Variants in NISCH observed in about 807,000 individuals in gnomAD.
NISCH encodes I-1 receptor candidate protein.
In NISCH, 55 loss-of-function variants were observed where a neutral mutation model predicts 138.4. The observed-to-expected ratio is 0.40, with a 90% CI of 0.32 to 0.50. The LOEUF is 0.50. Among genes scored for constraint, NISCH ranks in the 20% least tolerant of loss-of-function variants. The pLI is 0.71. For synonymous variants in NISCH, 860 were observed against 861.5 expected (o/e 1.00, Z 0.03); for missense variants, 1,643 against 2,005.5 (o/e 0.82, Z 3.45).
Position 52,478,104 on chromosome 3 carries a change from A to G in NISCH, c.995A>G (p.Tyr332Cys), listed in dbSNP as rs567944088. ...LLVVDNLQHL[Y>C]NLVHLDLSYN... is the part of the protein sequence containing the mutation. Reference sequence around the variant, plus strand: ...TTCTCCACGCCGCTGCAGCACCTGTATAACCTTGTGCATCTGGACCTGTCC... The same window carrying G: ...TTCTCCACGCCGCTGCAGCACCTGTGTAACCTTGTGCATCTGGACCTGTCC... Residue 332 changes from tyrosine to cysteine, a missense_variant, in exon 10 of 21, where the codon TAT becomes TGT. Physicochemically the swap from Tyr to Cys is radical, Grantham distance 194. Transcript: ENST00000345716. The G allele has an allele frequency of 4.3e-6, 7 of 1,613,834 alleles. No homozygotes were observed. Among genetic ancestry groups the G allele is most frequent in the East Asian group, 4.5e-5 (2 of 44,888 alleles).
Position 52,487,635 on chromosome 3 carries a change from C to G in NISCH, c.2143C>G (p.Leu715Val), listed in dbSNP as rs1707439360. Residue 715 changes from leucine (L) to valine (V), a missense_variant, in exon 16 of 21, where the codon CTG (leucine) becomes GTG (valine). Transcript: ENST00000345716. The surrounding 1 kb of genome is among the most constrained non-coding windows in gnomAD (Gnocchi z 9.1). ...IRILKVLWCF[L>V]IHVQGSIRQF... ...CATCCTCAAGGTGCTGTGGTGCTTCCTGATCCATGTGCAGGGCAGTATCCG... is the reference window on the plus strand; with the variant it reads ...CATCCTCAAGGTGCTGTGGTGCTTCGTGATCCATGTGCAGGGCAGTATCCG... 1 of 1,613,790 alleles carries G rather than the reference C, an allele frequency of 6.2e-7. No individual in the cohort carries two copies. Among genetic ancestry groups the G allele is most frequent in the Non-Finnish European group, 8.5e-7 (1 of 1,180,026 alleles).
chr3:52,480,702 G>A, intron 13 of NISCH: 3 of 1,421,500 alleles, frequency 2.1e-6, no homozygotes, highest in Non-Finnish European at 2.7e-6. Context: ...GAATCCCTGT[G>A]CAGGGAAAAG....
chr3:52,457,742 A>G, intron 1 of NISCH, 101 bp from the exon 2 acceptor site: 2 of 928,062 alleles, frequency 2.2e-6, no homozygotes, highest in Non-Finnish European at 3.5e-6. Flanking sequence ...AAGACTGATA[A>G]AAGATAATTG....
chr3:52,456,132 TGATG>T (rs1706461016), intron 1 of NISCH, among the ~76,000 whole-genome samples: 1 of 151,964 alleles, frequency 6.6e-6, no homozygotes, highest in African/African-American at 2.4e-5. Context: ...AGAGGGTCTC[TGATG>T]GATGGAATCA....
intron 11 of NISCH, among the ~76,000 whole-genome samples, chr3:52,479,274 C>T (rs762057707): frequency 1.3e-4 from 20 of 152,148 alleles, no homozygotes; most frequent in Admixed American, 2.6e-4. Context: ...CCACTGCCTG[C>T]CAGCCACCAC....
intron 16 of NISCH, 78 bp downstream of exon 16, chr3:52,488,683 G>A: frequency 7.8e-7 from 1 of 1,281,608 alleles, no homozygotes; most frequent in South Asian, 1.5e-5. Flanking sequence ...TGCGGCTAGT[G>A]TGGGCTGGGA....
chr3:52,480,549 C>A, intron 13 of NISCH: 1 of 1,469,512 alleles, frequency 6.8e-7, no homozygotes, highest in South Asian at 1.4e-5. Context: ...TAGGAGACCG[C>A]AGGGTGTCTG....
At chr3:52,466,999 C>CTTTTTT (rs11457136) in intron 3 of NISCH, among the ~76,000 whole-genome samples, 12 of 122,746 alleles carry the variant, frequency 9.8e-5, no homozygotes, top group East Asian at 2.3e-4. Context: ...GTTTCTTTTT[C>CTTTTTT]TTTTTTTTTT....
chr3:52,482,135 T>A (rs528043630), intron 13 of NISCH, among the ~76,000 whole-genome samples: 4 of 152,212 alleles, frequency 2.6e-5, no homozygotes, highest in Non-Finnish European at 5.9e-5. Context: ...GGTCTTTTTC[T>A]CACTGATTTG....
At chr3:52,484,462 T>TTGGGGCGCCC in intron 13 of NISCH, 51 bp from the exon 14 acceptor site, 1 of 788,670 alleles carries the variant, frequency 1.3e-6, no homozygotes, top group Non-Finnish European at 1.8e-6. Flanking sequence ...ACAGCCGCTC[T>TTGGGGCGCCC]CCCCGCCCCA....
rs776738477 is a variant in NISCH, at chr3:52,487,728, T to C, written c.2236T>C (p.Ser746Pro). 4.3e-6 allele frequency: 7 copies of C among 1,613,458 alleles called. No individual in the cohort carries two copies. The South Asian group carries it at 4.4e-5, about 10-fold the overall frequency. The change falls in exon 16 of 21, where the codon TCT becomes CCT. Residue 746 changes from serine to proline, a missense_variant. Physicochemically the swap from Ser to Pro is moderately conservative, Grantham distance 74. Coordinates refer to ENST00000345716, the MANE Select transcript of NISCH (RefSeq NM_007184.4). This position sits in a 1 kb window ranked among gnomAD's most constrained non-coding sequence, Gnocchi z 9.1. The stretch of plus-strand genomic sequence containing the variant: ...AGTCTTCGAGATCCCGCACCAGGAG[T>C]CTCGGGGCAGCAGCCAGCACATCCT... ...IAVFEIPHQE[S>P]RGSSQHILSS...
chr3:52,461,108 C>T (rs1348878828), intron 3 of NISCH, among the ~76,000 whole-genome samples: 3 of 152,154 alleles, frequency 2.0e-5, no homozygotes. Context: ...CGCGTGGTGA[C>T]TCATGCCTGT....
At chr3:52,491,792 G>A (rs1271623571) in intron 20 of NISCH, 80 bp from the exon 21 acceptor site, 40 of 1,492,940 alleles carry the variant, frequency 2.7e-5, no homozygotes, top group Non-Finnish European at 3.0e-5. Context: ...GGGGTCTCTC[G>A]GTTGGCTTGG....
At chr3:52,480,540 A>G (rs2153231443) in intron 13 of NISCH, 3 of 1,479,630 alleles carry the variant, frequency 2.0e-6, no homozygotes, top group East Asian at 2.5e-5. Context: ...CAGCTCCTCT[A>G]GGAGACCGCA....
In NISCH at chr3:52,455,674, G is replaced by C; in HGVS notation, c.33G>C (p.Arg11=). The change falls in exon 1 of 21, where the codon CGG becomes CGC. Residue 11 remains arginine (R), a synonymous_variant. Coordinates refer to ENST00000345716, the MANE Select transcript of NISCH (RefSeq NM_007184.4). MATARTFGPE[R]EAEPAKEARV... ...CCGCGCGCACCTTCGGGCCCGAGCG[G>C]GAAGCCGAGCCGGCCAAGGAAGCGC... 1 of 1,360,692 alleles carries C rather than the reference G, an allele frequency of 7.3e-7. No homozygotes were observed. The allele number at this position is 1,360,692 out of a possible 1,614,324, so 84.3% of individuals were successfully genotyped here.
chr3:52,463,995 G>C (rs1429027986), intron 3 of NISCH, among the ~76,000 whole-genome samples: 3 of 151,714 alleles, frequency 2.0e-5, no homozygotes, highest in Non-Finnish European at 4.4e-5. Context: ...CCAAAGTGCT[G>C]AGATTACAGG....
At chr3:52,486,524 A>T (rs1707405869) in intron 15 of NISCH, 1 of 152,352 alleles carries the variant, frequency 6.6e-6, no homozygotes, top group African/African-American at 2.4e-5. Context: ...TCCCGGGTTC[A>T]AGCGATTCTT....
intron 3 of NISCH, 182 bp from the exon 4 acceptor site, chr3:52,470,677 T>C: frequency 1.6e-6 from 1 of 634,516 alleles, no homozygotes; most frequent in Non-Finnish European, 2.8e-6. Context: ...TCCACATAAC[T>C]AGAATACTTA....
At chr3:52,477,673 A>G in intron 9 of NISCH, 31 bp downstream of exon 9, 2 of 1,573,084 alleles carry the variant, frequency 1.3e-6, no homozygotes, top group South Asian at 2.2e-5. Flanking sequence ...TGCTGCCCGC[A>G]CACACTCCCA....
Sources: gnomAD v4.1 joint callset for allele counts (sites outside exome capture counted in the v4.1 genomes callset) on GRCh38, gnomAD v4.1.1 for gene constraint, Gnocchi (gnomAD v3.1) non-coding constraint, MANE v1.5 for transcripts, NCBI Gene and HGNC (gene_info 2026-07-23, HGNC 2026-07-21) for gene names.